SEC24B: variants seen among roughly 807,000 people sequenced by gnomAD.
The protein encoded by SEC24B is SEC24 homolog B, COPII component, also known as protein transport protein Sec24B.
A neutral mutation model predicts 142.8 loss-of-function variants in SEC24B; 45 were observed. The ratio of observed to expected loss-of-function variants is 0.32; its 90% confidence interval spans 0.25 to 0.40. The LOEUF is 0.40. Ranked by LOEUF, SEC24B falls within the 10% of genes least tolerant of loss-of-function variation. The pLI is 1.00. For missense variants in SEC24B, 1,409 were observed against 1,526.8 expected, an observed-to-expected ratio of 0.92 and a Z score of 1.29; for synonymous variants, 574 against 568.2, an observed-to-expected ratio of 1.01 and a Z score of -0.15.
chr4:109,525,208 A>T (rs1724084855), intron 15 of SEC24B, 138 bp from the exon 16 acceptor site: 4 of 739,272 alleles, frequency 5.4e-6, no homozygotes, highest in Non-Finnish European at 8.1e-6. Flanking sequence ...CTGTTTTCTC[A>T]GATTTGTATG....
At position 109,443,754 on chromosome 4, in the gene SEC24B, C is replaced by T. The variant is rs538096243; in HGVS notation, c.133+9752C>T. Among the ~76,000 whole-genome samples the T allele has an allele frequency of 5.3e-5, 8 of 152,192 alleles. No individual in the cohort carries two copies. The South Asian group carries it at 1.0e-3, about 20-fold the overall frequency. On this transcript the variant is annotated intron_variant, in intron 1 of 23. Transcript: ENST00000265175. ...GGTGCCCAGAGTTTTGAAGAGGAAA[C>T]AATTCTTTTTGGTTAAAGTAATAGG... is the stretch of plus-strand genomic sequence containing the variant.
intron 2 of SEC24B, among the ~76,000 whole-genome samples, chr4:109,467,374 G>C (rs928461141): frequency 2.6e-5 from 4 of 151,190 alleles, no homozygotes; most frequent in African/African-American, 9.7e-5. Flanking sequence ...TATGTTTTGA[G>C]TGTTACATTA....
At chr4:109,497,937 A>G (rs1735700814) in intron 6 of SEC24B, among the ~76,000 whole-genome samples, 1 of 152,238 alleles carries the variant, frequency 6.6e-6, no homozygotes, top group South Asian at 2.1e-4. Context: ...GTTGCTTCAC[A>G]TTCTTGTCAA....
At chr4:109,530,801 C>T (rs919404375) in intron 19 of SEC24B, among the ~76,000 whole-genome samples, 1 of 144,910 alleles carries the variant, frequency 6.9e-6, no homozygotes, top group African/African-American at 2.6e-5. Context: ...GGGGCTGAGG[C>T]AGGAGAATTG....
At chr4:109,503,606 C>G (rs1027092146) in intron 6 of SEC24B, among the ~76,000 whole-genome samples, 8 of 152,058 alleles carry the variant, frequency 5.3e-5, no homozygotes, top group Non-Finnish European at 1.2e-4. Context: ...GTGACGCGCC[C>G]ACTTCGGCCT....
chr4:109,509,841 C>G (rs1445843965), intron 7 of SEC24B, among the ~76,000 whole-genome samples, 168 bp from the exon 8 acceptor site: 1 of 152,082 alleles, frequency 6.6e-6, no homozygotes, highest in Non-Finnish European at 1.5e-5. Flanking sequence ...GATTTTTTGA[C>G]ATATATTGCA....
rs533211258 is a variant in SEC24B, at chr4:109,527,728, C to CATCACTCCA, written c.3076+306_3076+314dup. Among the ~76,000 whole-genome samples the CATCACTCCA allele has an allele frequency of 3.1e-3, 467 of 151,442 alleles. 4 individuals carry two copies. The highest frequency in any genetic ancestry group is 0.01 in the African/African-American group (420 of 41,264). On this transcript the variant is annotated intron_variant, in intron 18 of 23. Transcript: ENST00000265175. ...CGGACGTTGCAGTGAGCCGAGACCGCATCACTCCAATCACTCCACTCCAGC... is the reference window on the plus strand; with the variant it reads ...CGGACGTTGCAGTGAGCCGAGACCGCATCACTCCAATCACTCCAATCACTCCACTCCAGC...
intron 18 of SEC24B, among the ~76,000 whole-genome samples, chr4:109,528,673 G>A (rs575883578): frequency 6.6e-6 from 1 of 152,272 alleles, no homozygotes; most frequent in East Asian, 1.9e-4. Context: ...CTAATTATAT[G>A]TAAGTCTAAA....
At chr4:109,532,497 A>G (rs1321233724) in intron 20 of SEC24B, 142 bp from the exon 21 acceptor site, 2 of 612,082 alleles carry the variant, frequency 3.3e-6, no homozygotes, top group East Asian at 5.3e-5. Context: ...CCAAGGTGGT[A>G]GCATATAATC....
chr4:109,526,721 C>T (rs1433095733), intron 17 of SEC24B, among the ~76,000 whole-genome samples: 1 of 152,148 alleles, frequency 6.6e-6, no homozygotes, highest in Non-Finnish European at 1.5e-5. Flanking sequence ...TTAAGGCCTT[C>T]ATTTGTTACT....
chr4:109,511,936 C>T, intron 8 of SEC24B, 21 bp from the exon 9 acceptor site: 1 of 1,608,822 alleles, frequency 6.2e-7, no homozygotes, highest in South Asian at 1.1e-5. Flanking sequence ...TCTGCTACAG[C>T]TTCTTTATTT....
In SEC24B at chr4:109,506,345, C is replaced by T. The variant is rs1736684590; in HGVS notation, c.1506C>T (p.Asn502=). Residue 502 remains asparagine, a synonymous_variant, in exon 7 of 24, where the codon AAC becomes AAT. Transcript: ENST00000265175. ...TCTTTCAGCAGTATCCTGGTGTGAA[C>T]CAGCTATCCTCCAGTATAGGAGGAT... ...QQYPQQYPGV[N]QLSSSIGGLS... 2.6e-6 allele frequency: 4 copies of T among 1,563,552 alleles called. No homozygotes were observed. Among genetic ancestry groups the T allele is most frequent in the South Asian group, 2.5e-5 (2 of 80,702 alleles).
In SEC24B at chr4:109,470,798, G is replaced by A. The variant is rs531227406; in HGVS notation, c.878-2206G>A. ...GAAGTAGAGCTGCACTCATTAACAT[G>A]ACTGAATCCCAGGAATGTAGCACAG... On this transcript the variant is annotated intron_variant, in intron 2 of 23. Coordinates refer to ENST00000265175, the MANE Select transcript of SEC24B (RefSeq NM_006323.5). 1.1e-4 allele frequency among the ~76,000 whole-genome samples: 17 copies of A among 152,316 alleles called. 1 individual carries two copies. Among genetic ancestry groups the A allele is most frequent in the Admixed American group, 7.2e-4 (11 of 15,294 alleles).
At position 109,464,317 on chromosome 4, in the gene SEC24B, G is replaced by T. The variant is rs1731632423; in HGVS notation, c.877+673G>T. On this transcript the variant is annotated intron_variant, in intron 2 of 23. Transcript: ENST00000265175. ...CCCTTTTTTTTTTTTTTTGACACAG[G>T]GTCTCACTTTATCACCCAGGCTGGG... Among the ~76,000 whole-genome samples the T allele has an allele frequency of 8.7e-5, 13 of 149,888 alleles. No homozygotes were observed. In the South Asian group the frequency reaches 2.5e-3, roughly 29 times the overall value.
intron 2 of SEC24B, among the ~76,000 whole-genome samples, chr4:109,469,275 T>A (rs1732277121): frequency 6.6e-6 from 1 of 152,178 alleles, no homozygotes; most frequent in African/African-American, 2.4e-5. Context: ...AGGAGCAGCT[T>A]CTTGATTGGT....
chr4:109,521,881 A>G (rs970784405), intron 14 of SEC24B, among the ~76,000 whole-genome samples: 7 of 150,470 alleles, frequency 4.7e-5, no homozygotes, highest in South Asian at 2.1e-4. Flanking sequence ...ACAGGCGTGC[A>G]CCACCACACC....
At chr4:109,464,860 ATAG>A (rs1187987957) in intron 2 of SEC24B, among the ~76,000 whole-genome samples, 1 of 152,244 alleles carries the variant, frequency 6.6e-6, no homozygotes, top group Non-Finnish European at 1.5e-5. Context: ...CAAGCAGCTA[ATAG>A]TAGTTTAAAC....
At chr4:109,478,285 TAA>T (rs10616592) in intron 3 of SEC24B, among the ~76,000 whole-genome samples, 1,773 of 142,100 alleles carry the variant, frequency 0.012, 32 homozygotes, top group African/African-American at 0.041. Context: ...GACTCTGTCT[TAA>T]AAAAAAAAAA....
intron 3 of SEC24B, among the ~76,000 whole-genome samples, chr4:109,477,061 C>T (rs1359970063): frequency 2.7e-5 from 4 of 148,224 alleles, no homozygotes; most frequent in Non-Finnish European, 3.0e-5. Context: ...GGCGTGAACC[C>T]GGGAGGTGGA....
Sources: allele counts gnomAD v4.1 joint callset (sites outside exome capture counted in the v4.1 genomes callset), GRCh38; gene constraint gnomAD v4.1.1; transcripts MANE v1.5; gene names NCBI Gene and HGNC (gene_info 2026-07-23, HGNC 2026-07-21).